The following SYNE1 variants were observed in gnomAD, a reference collection of about 807,000 sequenced individuals.
The protein encoded by SYNE1 is spectrin repeat containing nuclear envelope protein 1.
SYNE1 carries 616 observed loss-of-function variants against 1,111.0 expected under a neutral mutation model. The observed-to-expected ratio is 0.55, with a 90% CI of 0.52 to 0.59. The LOEUF (loss-of-function observed/expected upper bound fraction) is 0.59, where lower values mean the gene tolerates loss of function less well. Ranked by LOEUF, SYNE1 falls within the 20% of genes least tolerant of loss-of-function variation. The pLI, the probability that SYNE1 is intolerant of heterozygous loss-of-function variation, is 0.00. For missense variants in SYNE1, 10,006 were observed against 10,417.0 expected (o/e 0.96, Z 1.72); for synonymous variants, 3,855 against 3,825.8 (o/e 1.01, Z -0.28).
At position 152,391,380 on chromosome 6, in the gene SYNE1, T is replaced by C; in HGVS notation, c.7901A>G (p.Gln2634Arg). ...GGCCTTCACCCAGAACCACATGCTT[T>C]GCAGTGCTTCCTCCAGGGCTTCGTG... ...QEHEALEEAL[Q>R]SMWFWVKAIQ... is the part of the protein sequence containing the mutation. Residue 2634 changes from glutamine to arginine, a missense_variant, in exon 52 of 146, where the codon CAA (glutamine) becomes CGA (arginine). Gln to Arg is a conservative substitution (Grantham distance 43). Coordinates refer to ENST00000367255, the MANE Select transcript of SYNE1 (RefSeq NM_182961.4). The C allele has an allele frequency of 6.2e-7, 1 of 1,614,054 alleles. No individual in the cohort carries two copies. The highest frequency in any genetic ancestry group is 1.3e-5 in the African/African-American group (1 of 75,012).
chr6:152,159,417 G>C (rs964811366), intron 131 of SYNE1, among the ~76,000 whole-genome samples: 1 of 152,162 alleles, frequency 6.6e-6, no homozygotes, highest in Non-Finnish European at 1.5e-5. Flanking sequence ...TTAACCACTG[G>C]TGTACAGGAC....
At chr6:152,409,783 T>C in intron 42 of SYNE1, 74 bp from the exon 43 acceptor site, 1 of 1,516,538 alleles carries the variant, frequency 6.6e-7, no homozygotes, top group Non-Finnish European at 9.1e-7. Flanking sequence ...CAATTGGACT[T>C]GATGTTTCAC....
chr6:152,353,913 A>T (rs555127253), intron 67 of SYNE1, among the ~76,000 whole-genome samples, 169 bp from the exon 68 acceptor site: 1 of 152,206 alleles, frequency 6.6e-6, no homozygotes. Context: ...TATTACAACA[A>T]TGTGATACAA....
intron 140 of SYNE1, among the ~76,000 whole-genome samples, chr6:152,137,666 C>G (rs1052609726): frequency 4.6e-5 from 7 of 152,122 alleles, no homozygotes; most frequent in African/African-American, 1.7e-4. Flanking sequence ...GTGAGAGATC[C>G]TGGAAGTCAC....
At chr6:152,463,547 A>T (rs1236627726) in intron 18 of SYNE1, 30 bp from the exon 19 acceptor site, 1 of 1,571,016 alleles carries the variant, frequency 6.4e-7, no homozygotes, top group Non-Finnish European at 8.7e-7. Flanking sequence ...CAATATCATA[A>T]ACCATAAACC....
At chr6:152,276,788 C>A (rs1038132985) in intron 98 of SYNE1, among the ~76,000 whole-genome samples, 1 of 151,230 alleles carries the variant, frequency 6.6e-6, no homozygotes, top group African/African-American at 2.4e-5. Context: ...CCATCAGATG[C>A]TTATAGGGTT....
At chr6:152,439,960 G>A (rs538266881) in intron 32 of SYNE1, among the ~76,000 whole-genome samples, 2 of 152,030 alleles carry the variant, frequency 1.3e-5, no homozygotes, top group Non-Finnish European at 2.9e-5. Context: ...TCTCAAAATC[G>A]CTACCTCCAA....
At chr6:152,152,605 TA>T (rs1302989834) in intron 133 of SYNE1, among the ~76,000 whole-genome samples, 1 of 152,222 alleles carries the variant, frequency 6.6e-6, no homozygotes, top group African/African-American at 2.4e-5. Context: ...ATTTGTAAAA[TA>T]TGTACTTTTC....
intron 3 of SYNE1, among the ~76,000 whole-genome samples, chr6:152,627,539 T>C (rs1453401083): frequency 6.6e-6 from 1 of 150,654 alleles, no homozygotes; most frequent in Non-Finnish European, 1.5e-5. Flanking sequence ...ATGCCTGTAA[T>C]CCCAGCTACT....
rs757423568 is a variant in SYNE1, at chr6:152,176,564, T to C, written c.23461-4A>G. ...TAGCAATTTCCTCTTGATAATCCTGTGTAATAAATAGCAATCACAGAGGTC... is the reference window on the plus strand; with the variant it reads ...TAGCAATTTCCTCTTGATAATCCTGCGTAATAAATAGCAATCACAGAGGTC... On this transcript the variant is annotated splice_region_variant and splice_polypyrimidine_tract_variant and intron_variant, in intron 129 of 145. Transcript: ENST00000367255. The C allele has an allele frequency of 6.2e-7, 1 of 1,613,924 alleles. No homozygotes were observed. The highest frequency in any genetic ancestry group is 1.1e-5 in the South Asian group (1 of 91,072).
rs565916836 is a variant in SYNE1, at chr6:152,421,675, A to T, written c.5268-1953T>A. On this transcript the variant is annotated intron_variant, in intron 39 of 145. Coordinates refer to ENST00000367255, the MANE Select transcript of SYNE1 (RefSeq NM_182961.4). The stretch of plus-strand genomic sequence containing the variant: ...ATCTTCCTTCCATTTTCCTTATTTT[A>T]TTTATTTATTTATTTATTTATTTAT... Among the ~76,000 whole-genome samples the T allele has an allele frequency of 4.3e-4, 33 of 76,116 alleles. 2 individuals carry two copies. Among genetic ancestry groups the T allele is most frequent in the South Asian group, 2.5e-3 (7 of 2,764 alleles). 49.9% of individuals were successfully genotyped at this position (76,116 alleles called of 152,430 possible).
At chr6:152,139,687 A>G (rs1474008499) in intron 140 of SYNE1, among the ~76,000 whole-genome samples, 3 of 133,902 alleles carry the variant, frequency 2.2e-5, no homozygotes, top group Non-Finnish European at 4.8e-5. Context: ...AGAGAAAGAA[A>G]GAAAAAGAAA....
chr6:152,219,504 A>AC (rs1401477652), intron 119 of SYNE1, among the ~76,000 whole-genome samples: 16 of 151,886 alleles, frequency 1.1e-4, no homozygotes, highest in African/African-American at 1.7e-4. Flanking sequence ...AAAAAAAAAA[A>AC]AAACAAACAT....
chr6:152,362,585 G>A (rs560433295), intron 63 of SYNE1, among the ~76,000 whole-genome samples: 31 of 152,178 alleles, frequency 2.0e-4, no homozygotes, highest in Non-Finnish European at 1.5e-5. Flanking sequence ...CAGCGGCTGG[G>A]GGGACACGAG....
chr6:152,349,602 G>A (rs1339540826), intron 72 of SYNE1, among the ~76,000 whole-genome samples: 3 of 152,190 alleles, frequency 2.0e-5, no homozygotes, highest in Admixed American at 1.3e-4. Flanking sequence ...AGTTCAACGC[G>A]AGGATTCAAC....
At chr6:152,579,636 C>T (rs1283690043) in intron 3 of SYNE1, among the ~76,000 whole-genome samples, 3 of 152,096 alleles carry the variant, frequency 2.0e-5, no homozygotes, top group African/African-American at 7.2e-5. Flanking sequence ...GAGCGTAGTA[C>T]TCAATAGGTA....
intron 51 of SYNE1, among the ~76,000 whole-genome samples, chr6:152,393,032 G>A (rs2097671076): frequency 6.6e-6 from 1 of 152,182 alleles, no homozygotes; most frequent in Non-Finnish European, 1.5e-5. Context: ...AGTGTGTTAG[G>A]ATTGTCTGCA....
intron 10 of SYNE1, among the ~76,000 whole-genome samples, chr6:152,500,566 A>G (rs2099023959): frequency 6.6e-6 from 1 of 152,174 alleles, no homozygotes; most frequent in Non-Finnish European, 1.5e-5. Flanking sequence ...GAAGTCACTG[A>G]TTTCTAACTA....
At chr6:152,594,439 A>G (rs1368990331) in intron 3 of SYNE1, among the ~76,000 whole-genome samples, 1 of 152,154 alleles carries the variant, frequency 6.6e-6, no homozygotes, top group Admixed American at 6.5e-5. Flanking sequence ...TGTTTGCTCT[A>G]TCCAAAGATG....
Sources: gnomAD v4.1 joint callset for allele counts (sites outside exome capture counted in the v4.1 genomes callset) on GRCh38, gnomAD v4.1.1 for gene constraint, MANE v1.5 for transcripts, NCBI Gene and HGNC (gene_info 2026-07-23, HGNC 2026-07-21) for gene names.